RHOH: variants seen among roughly 807,000 people sequenced by gnomAD.
RHOH encodes ras homolog family member H, also known as rho-related GTP-binding protein RhoH.
A neutral mutation model predicts 13.8 loss-of-function variants in RHOH; 6 were observed. That is an observed-to-expected ratio of 0.44 (90% CI 0.24 to 0.86). RHOH has a LOEUF of 0.86. Ranked by LOEUF, RHOH falls within the 40% of genes least tolerant of loss-of-function variation. RHOH has a pLI of 0.24. For missense variants in RHOH, 147 were observed against 244.5 expected, an observed-to-expected ratio of 0.60 and a Z score of 2.66; for synonymous variants, 117 against 103.0, an observed-to-expected ratio of 1.14 and a Z score of -0.82.
chr4:40,242,523 G>T (rs1160288588), intron 1 of RHOH, among the ~76,000 whole-genome samples, 191 bp from the exon 2 acceptor site: 2 of 152,198 alleles, frequency 1.3e-5, no homozygotes, highest in Non-Finnish European at 2.9e-5. Context: ...TCTAAGGCCA[G>T]TCTGTTGCAT....
At chr4:40,208,919 A>G (rs750506720) in intron 1 of RHOH, among the ~76,000 whole-genome samples, 1 of 152,070 alleles carries the variant, frequency 6.6e-6, no homozygotes, top group Admixed American at 6.6e-5. Flanking sequence ...ATTCTTATAC[A>G]TGAATTCAGA....
intron 1 of RHOH, among the ~76,000 whole-genome samples, chr4:40,220,402 G>A (rs1579285644): frequency 6.6e-6 from 1 of 152,168 alleles, no homozygotes; most frequent in East Asian, 1.9e-4. Flanking sequence ...GAACCGGAGA[G>A]TGAGGTCATT....
At chr4:40,236,128 A>G (rs1728548067) in intron 1 of RHOH, among the ~76,000 whole-genome samples, 1 of 152,312 alleles carries the variant, frequency 6.6e-6, no homozygotes, top group Middle Eastern at 3.4e-3. Context: ...GGAGCTGCCA[A>G]TGCTTTGAAG....
At chr4:40,235,187 A>T (rs1728398052) in intron 1 of RHOH, 1 of 152,248 alleles carries the variant, frequency 6.6e-6, no homozygotes, top group Non-Finnish European at 1.5e-5. Flanking sequence ...TTTTATCTAC[A>T]TACAGGAAAG....
intron 1 of RHOH, among the ~76,000 whole-genome samples, chr4:40,199,340 G>A (rs1383115175): frequency 2.0e-5 from 3 of 152,332 alleles, no homozygotes; most frequent in Non-Finnish European, 2.9e-5. Flanking sequence ...AGCCTGCAAA[G>A]CTAACTCTCC....
At chr4:40,239,302 T>C (rs991293553) in intron 1 of RHOH, among the ~76,000 whole-genome samples, 3 of 152,188 alleles carry the variant, frequency 2.0e-5, no homozygotes, top group Non-Finnish European at 4.4e-5. Flanking sequence ...GGTCACTTGA[T>C]TGAACAGAGA....
Position 40,244,338 on chromosome 4 carries a change from C to A in RHOH, c.*376C>A. The A allele has an allele frequency of 4.1e-6, 1 of 243,828 alleles. No individual in the cohort carries two copies. The highest frequency in any genetic ancestry group is 8.6e-6 in the Non-Finnish European group (1 of 116,060). The allele number at this position is 243,828 out of a possible 1,614,324, so 15.1% of individuals were successfully genotyped here. On this transcript the variant is annotated 3_prime_UTR_variant, in exon 3 of 3. Transcript: ENST00000381799. ...TGCTTTTGTATATATTTAGTTTTCA[C>A]ACTTGGAAAATCTTTTCCTACATCC...
chr4:40,229,734 GCTAA>G (rs1727682578), intron 1 of RHOH, among the ~76,000 whole-genome samples: 1 of 151,578 alleles, frequency 6.6e-6, no homozygotes, highest in Non-Finnish European at 1.5e-5. Flanking sequence ...GAGAGAATAG[GCTAA>G]TATACCCCTG....
chr4:40,210,007 C>A (rs1301115713), intron 1 of RHOH, among the ~76,000 whole-genome samples: 1 of 151,676 alleles, frequency 6.6e-6, no homozygotes, highest in Non-Finnish European at 1.5e-5. Flanking sequence ...AAAGTTGATT[C>A]GTTTAGTGAA....
At chr4:40,234,744 C>CTTTTTTT (rs549802852) in intron 1 of RHOH, among the ~76,000 whole-genome samples, 1 of 101,064 alleles carries the variant, frequency 9.9e-6, no homozygotes, top group Non-Finnish European at 1.9e-5. Flanking sequence ...AAATCAGCAT[C>CTTTTTTT]TTTTTTTTTT....
intron 1 of RHOH, among the ~76,000 whole-genome samples, chr4:40,227,569 C>T (rs891226768): frequency 6.6e-6 from 1 of 152,106 alleles, no homozygotes; most frequent in African/African-American, 2.4e-5. Context: ...CAGCAGGGAA[C>T]ATGCTACTTT....
Position 40,218,359 on chromosome 4 carries a change from A to G in RHOH, c.-331+21059A>G, listed in dbSNP as rs969640373. On this transcript the variant is annotated intron_variant, in intron 1 of 2. Coordinates refer to ENST00000381799, the MANE Select transcript of RHOH (RefSeq NM_004310.5). This position sits in a 1 kb window ranked among gnomAD's most constrained non-coding sequence, Gnocchi z 4.1. ...AGTGGACTCTAAACTGGGCTGGAAC[A>G]TGTTCCCAGGAAAACATGCCCAAAT... 2 of 152,248 alleles carry G rather than the reference A, an allele frequency of 1.3e-5. No homozygotes were observed. The highest frequency in any genetic ancestry group is 2.9e-5 in the Non-Finnish European group (2 of 68,066). 9.4% of individuals were successfully genotyped at this position (152,248 alleles called of 1,614,324 possible).
chr4:40,203,495 T>C (rs1314628190), intron 1 of RHOH, among the ~76,000 whole-genome samples: 2 of 151,878 alleles, frequency 1.3e-5, no homozygotes, highest in Non-Finnish European at 2.9e-5. Context: ...AACAGTTTGG[T>C]TTTGTCCAGG....
chr4:40,240,812 G>C (rs1729151206), intron 1 of RHOH, among the ~76,000 whole-genome samples: 1 of 150,770 alleles, frequency 6.6e-6, no homozygotes, highest in African/African-American at 2.4e-5. Flanking sequence ...ATAAATAAAT[G>C]TCCGAAGCAT....
At chr4:40,206,464 T>C (rs939571675) in intron 1 of RHOH, among the ~76,000 whole-genome samples, 1 of 152,108 alleles carries the variant, frequency 6.6e-6, no homozygotes, top group African/African-American at 2.4e-5. Flanking sequence ...ATATTTAGAG[T>C]CAAATTTAAA....
At chr4:40,191,203 A>G (rs1189249850), upstream of RHOH, 1 of 151,774 alleles carries the variant, frequency 6.6e-6, no homozygotes, top group Non-Finnish European at 1.5e-5. Context: ...TACATTTTAA[A>G]CTCCTCCTCT....
upstream of RHOH, chr4:40,192,899 A>T (rs572884572): frequency 6.6e-6 from 1 of 152,424 alleles, no homozygotes; most frequent in Non-Finnish European, 1.5e-5. Context: ...TTCTTAGGCC[A>T]TAGGGTCTTA....
At chr4:40,205,586 G>A (rs1378055902) in intron 1 of RHOH, 2 of 152,224 alleles carry the variant, frequency 1.3e-5, no homozygotes, top group Admixed American at 1.3e-4. Context: ...TTGGGGAACT[G>A]AGTGTTTTCA....
At chr4:40,198,418 G>A (rs1723511794) in intron 1 of RHOH, among the ~76,000 whole-genome samples, 2 of 152,230 alleles carry the variant, frequency 1.3e-5, no homozygotes, top group South Asian at 2.1e-4. Flanking sequence ...ACACAAAAGC[G>A]AGGACCTTGC....
Sources: gnomAD v4.1 joint callset for allele counts (sites outside exome capture counted in the v4.1 genomes callset) on GRCh38, gnomAD v4.1.1 for gene constraint, Gnocchi (gnomAD v3.1) non-coding constraint, MANE v1.5 for transcripts, NCBI Gene and HGNC (gene_info 2026-07-23, HGNC 2026-07-21) for gene names.